The following DPF3 variants were observed in gnomAD, a reference collection of about 807,000 sequenced individuals.
The protein encoded by DPF3 is zinc finger protein DPF3.
A neutral mutation model predicts 56.8 loss-of-function variants in DPF3; 18 were observed. The ratio of observed to expected loss-of-function variants is 0.32; its 90% confidence interval spans 0.22 to 0.47. The LOEUF is 0.47. Ranked by LOEUF, DPF3 falls within the 20% of genes least tolerant of loss-of-function variation. The probability of loss-of-function intolerance (pLI) is 1.00; values close to 1 mark genes in which losing one functional copy is unlikely to be tolerated. For synonymous variants in DPF3, 188 were observed against 180.2 expected (o/e 1.04, Z -0.35); for missense variants, 403 against 488.8 (o/e 0.82, Z 1.65).
intron 8 of DPF3, chr14:72,661,076 A>T: frequency 1.0e-6 from 1 of 985,496 alleles, no homozygotes; most frequent in Non-Finnish European, 1.2e-6. Flanking sequence ...TTTATTTAAC[A>T]GAAACTTACA....
chr14:72,674,423 C>T, intron 7 of DPF3, 55 bp from the exon 8 acceptor site: 1 of 1,577,008 alleles, frequency 6.3e-7, no homozygotes, highest in Non-Finnish European at 8.6e-7. Flanking sequence ...TTCAACTGCC[C>T]CTTCTTCTCC....
chr14:72,743,448 A>C (rs1239565140), intron 3 of DPF3, among the ~76,000 whole-genome samples: 1 of 152,096 alleles, frequency 6.6e-6, no homozygotes, highest in African/African-American at 2.4e-5. Context: ...CAGTTTCCCA[A>C]CCTCTAAAAT....
In DPF3 at chr14:72,638,961, C is replaced by T. The variant is rs565453993; in HGVS notation, c.872-9225G>A. Among the ~76,000 whole-genome samples, 265 of 152,100 alleles carry T rather than the reference C, an allele frequency of 1.7e-3. 3 individuals are homozygous for T. The highest frequency in any genetic ancestry group is 5.3e-3 in the African/African-American group (218 of 41,486). ...CCTCCTGAGTAGCTGGGACTACAGGCGCCCGCCACCATGCCTGGCTAATTT... is the reference window on the plus strand; with the variant it reads ...CCTCCTGAGTAGCTGGGACTACAGGTGCCCGCCACCATGCCTGGCTAATTT... On this transcript the variant is annotated intron_variant, in intron 8 of 10. Coordinates refer to ENST00000556509, the MANE Select transcript of DPF3 (RefSeq NM_001280542.3).
intron 2 of DPF3, among the ~76,000 whole-genome samples, chr14:72,770,992 A>G (rs1156681730): frequency 2.6e-5 from 4 of 152,058 alleles, no homozygotes; most frequent in Non-Finnish European, 5.9e-5. Flanking sequence ...CCTGACCAAC[A>G]TGGTGAAACC....
chr14:72,847,536 G>T (rs1412074863), intron 1 of DPF3, among the ~76,000 whole-genome samples: 2 of 152,028 alleles, frequency 1.3e-5, no homozygotes, highest in Non-Finnish European at 2.9e-5. Context: ...AGGGGAGACA[G>T]AATCTTGCTC....
At chr14:72,792,282 G>T (rs1181485424) in intron 1 of DPF3, among the ~76,000 whole-genome samples, 3 of 152,178 alleles carry the variant, frequency 2.0e-5, no homozygotes, top group East Asian at 3.9e-4. Flanking sequence ...GAGGGGGAAG[G>T]CCTCCTGCCG....
intron 8 of DPF3, among the ~76,000 whole-genome samples, chr14:72,651,696 A>G (rs1248873823): frequency 6.6e-6 from 1 of 152,210 alleles, no homozygotes; most frequent in Non-Finnish European, 1.5e-5. Context: ...TAGCCTTAAA[A>G]TGGGGTAACA....
At chr14:72,829,939 T>A (rs1883983929) in intron 1 of DPF3, among the ~76,000 whole-genome samples, 1 of 151,996 alleles carries the variant, frequency 6.6e-6, no homozygotes, top group Admixed American at 6.6e-5. Context: ...AGAGATGGGG[T>A]TTCACCATGT....
intron 8 of DPF3, among the ~76,000 whole-genome samples, chr14:72,640,440 G>A (rs1276124446): frequency 2.0e-5 from 3 of 152,194 alleles, no homozygotes; most frequent in African/African-American, 4.8e-5. Flanking sequence ...CACTTGCAAT[G>A]TGCCAGGTGC....
chr14:72,758,472 G>A (rs1323648078), intron 2 of DPF3, among the ~76,000 whole-genome samples: 2 of 152,120 alleles, frequency 1.3e-5, no homozygotes, highest in East Asian at 3.9e-4. Flanking sequence ...AGAACCCAAG[G>A]AACTGAAGGG....
intron 1 of DPF3, among the ~76,000 whole-genome samples, chr14:72,772,382 G>C (rs1891571418): frequency 6.6e-6 from 1 of 152,088 alleles, no homozygotes; most frequent in African/African-American, 2.4e-5. Flanking sequence ...CAACAGAAGA[G>C]AAACACTCCA....
intron 7 of DPF3, among the ~76,000 whole-genome samples, chr14:72,692,581 C>T (rs1322615220): frequency 6.6e-6 from 1 of 152,226 alleles, no homozygotes; most frequent in Non-Finnish European, 1.5e-5. Flanking sequence ...GGCAGCATTT[C>T]TAAGGCAGGA....
rs573976552 is a variant in DPF3, at chr14:72,863,547, T to C, written c.32+30510A>G. On this transcript the variant is annotated intron_variant, in intron 1 of 10. Coordinates refer to ENST00000556509, the MANE Select transcript of DPF3 (RefSeq NM_001280542.3). ...ACCCTCTTGCTTTCATTGGGAAATG[T>C]AGGATTCTAAAAAAAAAAAAAAAAA... Among the ~76,000 whole-genome samples the C allele has an allele frequency of 2.2e-5, 3 of 135,522 alleles. No individual in the cohort carries two copies. The East Asian group carries it at 6.2e-4, about 28-fold the overall frequency. 88.9% of individuals were successfully genotyped at this position (135,522 alleles called of 152,430 possible).
At chr14:72,878,142 C>T (rs766327363) in intron 1 of DPF3, among the ~76,000 whole-genome samples, 1 of 152,186 alleles carries the variant, frequency 6.6e-6, no homozygotes, top group African/African-American at 2.4e-5. Context: ...TGAAACTTGA[C>T]CCTGGGAGTC....
intron 8 of DPF3, chr14:72,671,488 A>G: frequency 8.9e-7 from 1 of 1,129,698 alleles, no homozygotes; most frequent in Non-Finnish European, 1.3e-6. Flanking sequence ...TCACCTGGTG[A>G]CGGGGATTTG....
chr14:72,732,423 A>G (rs1889698858), intron 3 of DPF3, among the ~76,000 whole-genome samples: 1 of 152,196 alleles, frequency 6.6e-6, no homozygotes, highest in African/African-American at 2.4e-5. Flanking sequence ...CTTGTCTGTC[A>G]ACCCCATGAC....
At chr14:72,651,215 G>C (rs929873824) in intron 8 of DPF3, among the ~76,000 whole-genome samples, 1 of 152,224 alleles carries the variant, frequency 6.6e-6, no homozygotes, top group Non-Finnish European at 1.5e-5. Context: ...GCGGGCAGGG[G>C]GTCTGGAATC....
rs559809297 is a variant in DPF3 at position 72,884,993 on chromosome 14, C to T, written c.32+9064G>A. 4.3e-5 allele frequency among the ~76,000 whole-genome samples: 3 copies of T among 70,464 alleles called. No individual in the cohort carries two copies. In the South Asian group the frequency reaches 1.6e-3, roughly 37 times the overall value. The allele number at this position is 70,464 out of a possible 152,430, so 46.2% of individuals were successfully genotyped here. ...ATATTAGCCGGGCGTAAGGCGGGCG[C>T]CTGCAGTCCCAGCTACTCGGGAGGC... On this transcript the variant is annotated intron_variant, in intron 1 of 10. Coordinates refer to ENST00000556509, the MANE Select transcript of DPF3 (RefSeq NM_001280542.3).
chr14:72,724,767 G>A (rs1266493441), intron 4 of DPF3, among the ~76,000 whole-genome samples: 23 of 150,982 alleles, frequency 1.5e-4, no homozygotes, highest in Admixed American at 1.5e-3. Flanking sequence ...GGAGTGCAGT[G>A]GCACAATCAC....
Sources: gnomAD v4.1 joint callset for allele counts (sites outside exome capture counted in the v4.1 genomes callset) on GRCh38, gnomAD v4.1.1 for gene constraint, MANE v1.5 for transcripts, NCBI Gene and HGNC (gene_info 2026-07-23, HGNC 2026-07-21) for gene names.